Variants in PARP10 observed in about 807,000 individuals in gnomAD.
The protein encoded by PARP10 is protein mono-ADP-ribosyltransferase PARP10.
Under a neutral mutation model 82.4 loss-of-function variants are expected in PARP10, and 56 were observed. That is an observed-to-expected ratio of 0.68 (90% CI 0.55 to 0.85). The LOEUF (loss-of-function observed/expected upper bound fraction) is 0.85, where lower values mean the gene tolerates loss of function less well. Among genes scored for constraint, PARP10 ranks in the 40% least tolerant of loss-of-function variants. The pLI, the probability that PARP10 is intolerant of heterozygous loss-of-function variation, is 0.00. For synonymous variants in PARP10, 576 were observed against 601.1 expected, an observed-to-expected ratio of 0.96 and a Z score of 0.61; for missense variants, 1,227 against 1,379.4, an observed-to-expected ratio of 0.89 and a Z score of 1.75.
Position 143,985,489 on chromosome 8 carries a change from C to T in PARP10, c.596G>A (p.Ser199Asn). ...CAGGTCCTCCAGGGGCCCCCCACCA[C>T]TGCGGCGCTCATTCTCCAGGTACAA... The part of the protein sequence containing the change: ...LELYLENERR[S>N]GGGPLEDLQR... Residue 199 changes from serine (S) to asparagine (N), a missense_variant, in exon 4 of 11, where the codon AGT becomes AAT. By Grantham distance (46) the Ser-to-Asn change is conservative. Coordinates refer to ENST00000313028, the MANE Select transcript of PARP10 (RefSeq NM_032789.5). 4.3e-6 allele frequency: 7 copies of T among 1,613,900 alleles called. No individual in the cohort carries two copies. Among genetic ancestry groups the T allele is most frequent in the Non-Finnish European group, 5.1e-6 (6 of 1,179,928 alleles).
intron 1 of PARP10, among the ~76,000 whole-genome samples, chr8:144,009,445 C>A (rs1180774620): frequency 1.3e-5 from 2 of 152,178 alleles, no homozygotes. Flanking sequence ...TGCTGTATGT[C>A]CTCTGCGGCT....
intron 1 of PARP10, among the ~76,000 whole-genome samples, chr8:144,005,366 C>A (rs7015812): frequency 6.6e-6 from 1 of 151,730 alleles, no homozygotes; most frequent in African/African-American, 2.4e-5. Context: ...GGCAGAGCAC[C>A]AGTATTTGCT....
intron 1 of PARP10, among the ~76,000 whole-genome samples, chr8:144,005,074 G>A (rs1834225606): frequency 6.6e-6 from 1 of 151,910 alleles, no homozygotes. Flanking sequence ...AGCTACTCAG[G>A]AGGGTGAGGC....
At chr8:143,988,043 G>A (rs1425015650), upstream of PARP10, among the ~76,000 whole-genome samples, 1 of 150,810 alleles carries the variant, frequency 6.6e-6, no homozygotes, top group Non-Finnish European at 1.5e-5. Context: ...AGAGCTACAG[G>A]CCACTCCTGC....
chr8:143,977,787 G>C lies in PARP10; in HGVS notation c.2775C>G (p.Ser925=), dbSNP rs1554746627. 1 of 1,603,040 alleles carries C rather than the reference G, an allele frequency of 6.2e-7. No homozygotes were observed. Among genetic ancestry groups the C allele is most frequent in the Admixed American group, 1.7e-5 (1 of 59,162 alleles). The change falls in exon 11 of 11, where the codon TCC becomes TCG. Residue 925 remains serine, a synonymous_variant. Transcript: ENST00000313028. ...GKGVYFARRA[S]LSVQDRYSPP... ...GCGAGTAGCGGTCCTGCACCGACAG[G>C]GAGGCGCGCCTGGCGAAATACACGC...
chr8:143,985,799 C>T lies in PARP10; in HGVS notation c.358G>A (p.Val120Ile), dbSNP rs577097336. The change falls in exon 3 of 11, where the codon GTA (valine) becomes ATA (isoleucine). Residue 120 changes from valine (V) to isoleucine (I), a missense_variant. Transcript: ENST00000313028. ...CTGGCCAAGGCACAGCAAGGCTGTA[C>T]TGGGAGCCCCGAGGCCCGCAGCAAG... ...QALLRASGLPVQPCCALASPR... is the reference protein window; with the variant it reads ...QALLRASGLPIQPCCALASPR... The T allele has an allele frequency of 1.8e-4, 284 of 1,612,270 alleles. 2 individuals carry two copies. The South Asian group carries it at 3.0e-3, about 17-fold the overall frequency.
chr8:143,980,218 G>T (rs182211876), intron 9 of PARP10, among the ~76,000 whole-genome samples: 5,733 of 149,512 alleles, frequency 0.038, 364 homozygotes, highest in African/African-American at 0.13. Flanking sequence ...TACTCAGGAG[G>T]CTGAGGCAGG....
upstream of PARP10, among the ~76,000 whole-genome samples, chr8:143,995,424 CAA>C (rs1289302234): frequency 3.9e-5 from 6 of 152,210 alleles, no homozygotes; most frequent in Non-Finnish European, 8.8e-5. Context: ...ATGTGTCTGA[CAA>C]CTGAGAGGTC....
In PARP10 at chr8:143,984,567, C is replaced by G. The variant is rs1833939727; in HGVS notation, c.1435G>C (p.Gly479Arg). 1.2e-6 allele frequency: 2 copies of G among 1,612,712 alleles called. No individual in the cohort carries two copies. The stretch of plus-strand genomic sequence containing the variant: ...ACCCGAAAGCCAGTCATATCCGGTC[C>G]TTCAAGTGGCAAGAGAGCGACGTCT... ...LGDVALLPLE[G>R]PDMTGFRLCG... Residue 479 changes from glycine to arginine, a missense_variant, in exon 5 of 11, where the codon GGA becomes CGA. By Grantham distance (125) the Gly-to-Arg change is moderately radical. Coordinates refer to ENST00000313028, the MANE Select transcript of PARP10 (RefSeq NM_032789.5).
rs935069502 is a variant in PARP10, at chr8:143,984,093, G to A, written c.1692C>T (p.Thr564=). 5.8e-6 allele frequency: 9 copies of A among 1,554,826 alleles called. No homozygotes were observed. Among genetic ancestry groups the A allele is most frequent in the African/African-American group, 4.1e-5 (3 of 73,308 alleles). The part of the protein sequence containing the change: ...LDTGLEEVDP[T]EALPVLPGNA... Reference sequence around the variant, plus strand: ...TGCCAGGGAGCACTGGGAGGGCCTCGGTAGGGTCCACCTGTAGGGAGAGGA... The same window carrying A: ...TGCCAGGGAGCACTGGGAGGGCCTCAGTAGGGTCCACCTGTAGGGAGAGGA... The change falls in exon 7 of 11, where the codon ACC becomes ACT. Residue 564 remains threonine, a synonymous_variant. Transcript: ENST00000313028.
exon 1 of PARP10, chr8:144,012,605 C>T: frequency 6.4e-7 from 1 of 1,551,734 alleles, no homozygotes; most frequent in African/African-American, 1.4e-5. Context: ...TGGTGCGGCT[C>T]ATTCGGGAGA....
upstream of PARP10, among the ~76,000 whole-genome samples, chr8:143,994,473 C>T (rs1300728216): frequency 3.9e-5 from 6 of 152,192 alleles, no homozygotes; most frequent in African/African-American, 1.4e-4. Context: ...CTCGGTGGTG[C>T]CCTCAGGATG....
chr8:143,997,045 G>A (rs1394307114), intron 1 of PARP10, among the ~76,000 whole-genome samples: 1 of 152,126 alleles, frequency 6.6e-6, no homozygotes, highest in Non-Finnish European at 1.5e-5. Context: ...TCTCAAGGTG[G>A]CCCCTCCTCC....
At chr8:143,980,184 G>T (rs190500972) in intron 9 of PARP10, among the ~76,000 whole-genome samples, 90 of 151,152 alleles carry the variant, frequency 6.0e-4, no homozygotes, top group African/African-American at 2.1e-3. Flanking sequence ...GCTGGGCGTG[G>T]TGGCAGGCGC....
intron 1 of PARP10, among the ~76,000 whole-genome samples, chr8:144,004,656 A>G (rs966985157): frequency 6.6e-6 from 1 of 152,116 alleles, no homozygotes; most frequent in Non-Finnish European, 1.5e-5. Context: ...CCTTTTTTAG[A>G]GTCTATGCTG....
chr8:143,982,188 G>A (rs1157314607), intron 9 of PARP10, among the ~76,000 whole-genome samples: 2 of 152,004 alleles, frequency 1.3e-5, no homozygotes, highest in Non-Finnish European at 2.9e-5. Flanking sequence ...CCCCGTGCAA[G>A]GCCGGGCGCG....
chr8:143,992,166 C>T (rs1242432883), upstream of PARP10: 2 of 1,602,362 alleles, frequency 1.2e-6, no homozygotes, highest in East Asian at 2.2e-5. Context: ...CGTGGTTCTC[C>T]TTGTGCTCAT....
upstream of PARP10, among the ~76,000 whole-genome samples, chr8:143,987,973 G>T (rs1291589267): frequency 2.0e-5 from 3 of 150,866 alleles, no homozygotes; most frequent in African/African-American, 2.4e-5. Flanking sequence ...CCCTTCTCTG[G>T]CCCCATGCCC....
chr8:144,001,925 T>C (rs1834206234), intron 1 of PARP10, among the ~76,000 whole-genome samples: 1 of 149,744 alleles, frequency 6.7e-6, no homozygotes, highest in African/African-American at 2.5e-5. Context: ...CAGTGTTAAT[T>C]TTGTTAGACA....
Sources: gnomAD v4.1 joint callset for allele counts (sites outside exome capture counted in the v4.1 genomes callset) on GRCh38, gnomAD v4.1.1 for gene constraint, MANE v1.5 for transcripts, NCBI Gene and HGNC (gene_info 2026-07-23, HGNC 2026-07-21) for gene names.